The following CMSS1 variants were observed in gnomAD, a reference collection of about 807,000 sequenced individuals.
CMSS1 encodes the protein protein CMSS1.
A neutral mutation model predicts 43.5 loss-of-function variants in CMSS1; 33 were observed. That is an observed-to-expected ratio of 0.76 (90% confidence interval 0.57 to 1.01). The LOEUF is 1.01. Among genes scored for constraint, CMSS1 ranks in the 50% least tolerant of loss-of-function variants. CMSS1 has a pLI of 0.00. For missense variants in CMSS1, 313 were observed against 326.4 expected (o/e 0.96, Z 0.32); for synonymous variants, 115 against 117.2 (o/e 0.98, Z 0.12).
intron 1 of CMSS1, among the ~76,000 whole-genome samples, chr3:100,126,942 G>A (rs2066668229): frequency 6.6e-6 from 1 of 151,848 alleles, no homozygotes; most frequent in African/African-American, 2.4e-5. Context: ...AGCTTGCAGT[G>A]AGCCGAGATC....
chr3:99,844,926 G>T (rs1943295433), intron 1 of CMSS1, among the ~76,000 whole-genome samples: 1 of 152,078 alleles, frequency 6.6e-6, no homozygotes, highest in South Asian at 2.1e-4. Context: ...GTTTCCTGAG[G>T]CCTCCCCCAG....
Position 99,947,482 on chromosome 3 carries a change from G to A in CMSS1, c.64+129439G>A, listed in dbSNP as rs183186228. Among the ~76,000 whole-genome samples the A allele has an allele frequency of 2.3e-3, 346 of 152,244 alleles. 1 individual carries two copies. Among genetic ancestry groups the A allele is most frequent in the Non-Finnish European group, 4.2e-3 (289 of 68,024 alleles). On this transcript the variant is annotated intron_variant, in intron 1 of 9. Coordinates refer to ENST00000421999, the MANE Select transcript of CMSS1 (RefSeq NM_032359.4). ...CTGCCCCACCCCCTTCACCTTAGTG[G>A]CCTTTTCCCTATGGATCCAGAAGGG...
At chr3:99,878,555 G>C (rs921335665) in intron 1 of CMSS1, among the ~76,000 whole-genome samples, 2 of 152,202 alleles carry the variant, frequency 1.3e-5, no homozygotes, top group Admixed American at 1.3e-4. Flanking sequence ...TTTGGTAAAG[G>C]AGTGTTCAGA....
chr3:100,136,794 C>T (rs1282869244), intron 1 of CMSS1, among the ~76,000 whole-genome samples: 1 of 152,224 alleles, frequency 6.6e-6, no homozygotes, highest in African/African-American at 2.4e-5. Flanking sequence ...ATTATTTGAT[C>T]ATGTGGCCTA....
At chr3:99,842,660 G>T (rs1199815817) in intron 1 of CMSS1, among the ~76,000 whole-genome samples, 1 of 152,082 alleles carries the variant, frequency 6.6e-6, no homozygotes, top group Non-Finnish European at 1.5e-5. Context: ...TATTTCTCTT[G>T]ATCAACAATT....
chr3:99,984,402 A>G (rs1446689280), intron 1 of CMSS1, among the ~76,000 whole-genome samples: 1 of 152,230 alleles, frequency 6.6e-6, no homozygotes, highest in African/African-American at 2.4e-5. Flanking sequence ...GAGCAGAAAC[A>G]GGAGGCACCA....
At chr3:100,173,873 C>T (rs1460750667) in intron 8 of CMSS1, among the ~76,000 whole-genome samples, 1 of 152,156 alleles carries the variant, frequency 6.6e-6, no homozygotes, top group African/African-American at 2.4e-5. Flanking sequence ...GCTCTGTGAC[C>T]TTGGCAAGTT....
At chr3:99,994,449 A>G (rs544141757) in intron 1 of CMSS1, among the ~76,000 whole-genome samples, 31 of 152,216 alleles carry the variant, frequency 2.0e-4, no homozygotes, top group Non-Finnish European at 4.1e-4. Context: ...TCATCAGCAA[A>G]TAGAAAATTC....
intron 1 of CMSS1, among the ~76,000 whole-genome samples, chr3:100,038,200 G>A (rs1165931296): frequency 6.6e-6 from 1 of 152,048 alleles, no homozygotes; most frequent in Non-Finnish European, 1.5e-5. Context: ...AGGTGATCCA[G>A]CTGCCCTGGC....
intron 1 of CMSS1, among the ~76,000 whole-genome samples, chr3:100,096,345 G>A (rs1039241684): frequency 7.2e-5 from 11 of 152,166 alleles, no homozygotes; most frequent in South Asian, 2.1e-4. Context: ...CAATAGCCAA[G>A]ATTTGGAAGC....
chr3:99,893,727 A>T (rs1396717675), intron 1 of CMSS1, among the ~76,000 whole-genome samples: 1 of 152,218 alleles, frequency 6.6e-6, no homozygotes, highest in Non-Finnish European at 1.5e-5. Context: ...TCTACAGATA[A>T]TTTATTTTTC....
At chr3:100,171,667 C>A (rs969817628) in intron 6 of CMSS1, among the ~76,000 whole-genome samples, 172 bp from the exon 7 acceptor site, 4 of 152,192 alleles carry the variant, frequency 2.6e-5, no homozygotes, top group African/African-American at 9.7e-5. Context: ...CCACCCCACT[C>A]TCATTGCAAA....
At chr3:100,150,688 T>C (rs567704532) in intron 2 of CMSS1, among the ~76,000 whole-genome samples, 1 of 152,324 alleles carries the variant, frequency 6.6e-6, no homozygotes, top group South Asian at 2.1e-4. Context: ...ATCCTTGGCC[T>C]GCTTAATAAT....
At chr3:100,140,701 C>T (rs1287351040) in intron 1 of CMSS1, among the ~76,000 whole-genome samples, 6 of 151,900 alleles carry the variant, frequency 3.9e-5, no homozygotes, top group African/African-American at 9.7e-5. Flanking sequence ...CAAGGTTGTT[C>T]GCTAGGGCAG....
In CMSS1 at chr3:100,176,311, T is replaced by C; in HGVS notation, c.668-16T>C. The C allele has an allele frequency of 1.3e-6, 2 of 1,568,428 alleles. No homozygotes were observed. The highest frequency in any genetic ancestry group is 2.2e-5 in the East Asian group (1 of 44,634). On this transcript the variant is annotated splice_polypyrimidine_tract_variant and intron_variant, in intron 8 of 9. Transcript: ENST00000421999. Reference sequence around the variant, plus strand: ...TGAGGTCTTTACTACAGCAACTCTCTTCCTGTCTCTTTCAGGTGGCCTTAA... The same window carrying C: ...TGAGGTCTTTACTACAGCAACTCTCCTCCTGTCTCTTTCAGGTGGCCTTAA...
chr3:100,062,015 G>A (rs1326088275), intron 1 of CMSS1, among the ~76,000 whole-genome samples: 1 of 145,176 alleles, frequency 6.9e-6, no homozygotes, highest in East Asian at 2.2e-4. Context: ...CAAATTGAAA[G>A]CCTTTACTAC....
At chr3:99,879,838 C>T (rs993403700) in intron 1 of CMSS1, among the ~76,000 whole-genome samples, 3 of 152,090 alleles carry the variant, frequency 2.0e-5, no homozygotes, top group Non-Finnish European at 4.4e-5. Flanking sequence ...TGGACCTGGT[C>T]CTGTATAAGA....
At chr3:99,917,402 A>G (rs568958795) in intron 1 of CMSS1, among the ~76,000 whole-genome samples, 1 of 152,326 alleles carries the variant, frequency 6.6e-6, no homozygotes, top group East Asian at 1.9e-4. Flanking sequence ...TTGAGTACCT[A>G]GGAATGATTC....
At chr3:99,924,810 C>T (rs1031845865) in intron 1 of CMSS1, among the ~76,000 whole-genome samples, 3 of 152,178 alleles carry the variant, frequency 2.0e-5, no homozygotes, top group African/African-American at 7.2e-5. Context: ...GCATGAGCCA[C>T]GGCGCCCGGC....
Sources: allele counts gnomAD v4.1 joint callset (sites outside exome capture counted in the v4.1 genomes callset), GRCh38; gene constraint gnomAD v4.1.1; transcripts MANE v1.5; gene names NCBI Gene and HGNC (gene_info 2026-07-23, HGNC 2026-07-21).